The following DCAF10 variants were observed in gnomAD, a reference collection of about 807,000 sequenced individuals.
DCAF10 encodes the protein DDB1 and CUL4 associated factor 10.
A neutral mutation model predicts 51.9 loss-of-function variants in DCAF10; 19 were observed. That is an observed-to-expected ratio of 0.37 (90% CI 0.26 to 0.54). The LOEUF (loss-of-function observed/expected upper bound fraction) is 0.54. Among genes scored for constraint, DCAF10 ranks in the 20% least tolerant of loss-of-function variants. The pLI is 0.87. For missense variants in DCAF10, 510 were observed against 730.6 expected, an observed-to-expected ratio of 0.70 and a Z score of 3.48; for synonymous variants, 291 against 297.1, an observed-to-expected ratio of 0.98 and a Z score of 0.21.
rs549719352 is a variant in DCAF10, at chr9:37,867,347, T to C, written c.*5839T>C. 1 of 152,278 alleles carries C rather than the reference T, an allele frequency of 6.6e-6. No homozygotes were observed. Among genetic ancestry groups the C allele is most frequent in the Non-Finnish European group, 1.5e-5 (1 of 68,022 alleles). 9.4% of individuals were successfully genotyped at this position (152,278 alleles called of 1,614,324 possible). Reference sequence around the variant, plus strand: ...AGGTAGATTTTCAGCTTTCTTAAGTTTCTCCCTCATTTAGATTTCATGGTT... The same window carrying C: ...AGGTAGATTTTCAGCTTTCTTAAGTCTCTCCCTCATTTAGATTTCATGGTT... On this transcript the variant is annotated 3_prime_UTR_variant, in exon 7 of 7. Coordinates refer to ENST00000377724, the MANE Select transcript of DCAF10 (RefSeq NM_024345.5).
At chr9:37,836,258 C>G in intron 2 of DCAF10, 1 of 1,567,220 alleles carries the variant, frequency 6.4e-7, no homozygotes, top group East Asian at 2.2e-5. Flanking sequence ...CAGCAGATGT[C>G]TACGTGGAAT....
At chr9:37,836,384 A>G (rs1830165610) in intron 2 of DCAF10, 2 of 1,610,026 alleles carry the variant, frequency 1.2e-6, no homozygotes, top group Admixed American at 3.3e-5. Context: ...AAGAAAAAGA[A>G]GAAAGCAAGT....
chr9:37,812,839 T>C lies in DCAF10; in HGVS notation c.540-6449T>C, dbSNP rs555375713. Among the ~76,000 whole-genome samples the C allele has an allele frequency of 5.9e-5, 9 of 152,188 alleles. No homozygotes were observed. The East Asian group carries it at 1.7e-3, about 29-fold the overall frequency. ...TGTAGAGACAAGGGTCTCAGTTTGTTGTCCAGGCTGGGAATGGTATAAAAC... is the reference window on the plus strand; with the variant it reads ...TGTAGAGACAAGGGTCTCAGTTTGTCGTCCAGGCTGGGAATGGTATAAAAC... On this transcript the variant is annotated intron_variant, in intron 1 of 6. Coordinates refer to ENST00000377724, the MANE Select transcript of DCAF10 (RefSeq NM_024345.5).
intron 3 of DCAF10, among the ~76,000 whole-genome samples, chr9:37,845,585 C>T (rs1248008670): frequency 6.6e-6 from 1 of 152,194 alleles, no homozygotes; most frequent in East Asian, 1.9e-4. Flanking sequence ...AGCTGAAGTA[C>T]TGTTAAAAGA....
intron 2 of DCAF10, among the ~76,000 whole-genome samples, chr9:37,835,092 A>G (rs371148927): frequency 1.3e-5 from 2 of 152,178 alleles, no homozygotes; most frequent in East Asian, 1.9e-4. Flanking sequence ...AGTCTCAGTC[A>G]CATAATTTCT....
At chr9:37,823,875 T>C (rs1299561956) in intron 2 of DCAF10, among the ~76,000 whole-genome samples, 3 of 148,672 alleles carry the variant, frequency 2.0e-5, no homozygotes, top group African/African-American at 7.4e-5. Context: ...TTAGAGCACA[T>C]CTTTTTTTTT....
At chr9:37,838,144 A>AT (rs549076427) in intron 2 of DCAF10, among the ~76,000 whole-genome samples, 26 of 152,252 alleles carry the variant, frequency 1.7e-4, no homozygotes, top group South Asian at 1.7e-3. Flanking sequence ...ATCTTTAAAG[A>AT]TTTTTTTTAC....
chr9:37,848,118 G>A (rs1167548403), intron 3 of DCAF10, among the ~76,000 whole-genome samples: 1 of 152,134 alleles, frequency 6.6e-6, no homozygotes, highest in African/African-American at 2.4e-5. Flanking sequence ...CCACATTGCT[G>A]GTGGGAATGT....
chr9:37,825,089 A>G (rs550106710), intron 2 of DCAF10, among the ~76,000 whole-genome samples: 1 of 152,278 alleles, frequency 6.6e-6, no homozygotes, highest in East Asian at 1.9e-4. Context: ...AGTCAAAAAA[A>G]TACAGATGCT....
At chr9:37,844,181 G>A (rs568830739) in intron 3 of DCAF10, among the ~76,000 whole-genome samples, 81 of 152,342 alleles carry the variant, frequency 5.3e-4, no homozygotes, top group Non-Finnish European at 9.8e-4. Flanking sequence ...CTCCATCTCA[G>A]TGGAAAATAT....
At chr9:37,807,658 CTT>C (rs5897701) in intron 1 of DCAF10, among the ~76,000 whole-genome samples, 165 of 72,542 alleles carry the variant, frequency 2.3e-3, no homozygotes, top group African/African-American at 4.2e-3. Flanking sequence ...CTTTTCTTTT[CTT>C]TTTTTTTTTT....
chr9:37,823,596 T>TTGA (rs369831081), intron 2 of DCAF10, among the ~76,000 whole-genome samples: 12 of 151,222 alleles, frequency 7.9e-5, no homozygotes, highest in African/African-American at 2.9e-4. Context: ...GGAGTTTTTT[T>TTGA]GGCGGGGGGT....
chr9:37,863,807 G>T lies in DCAF10; in HGVS notation c.*2299G>T, dbSNP rs1189795441. On this transcript the variant is annotated 3_prime_UTR_variant, in exon 7 of 7. Transcript: ENST00000377724. ...AAAATGACATTTCTTTGTAGGACCT[G>T]CCAACTAACTATTCACACACATTTA... 6.6e-6 allele frequency: 1 copy of T among 152,104 alleles called. No individual in the cohort carries two copies. Among genetic ancestry groups the T allele is most frequent in the African/African-American group, 2.4e-5 (1 of 41,408 alleles). 9.4% of individuals were successfully genotyped at this position (152,104 alleles called of 1,614,324 possible). A position where few individuals can be genotyped will look rare whatever the true frequency, so the allele number is the denominator to read the frequency against.
In DCAF10 at chr9:37,862,271, C is replaced by A. The variant is rs1438404989; in HGVS notation, c.*763C>A. The A allele has an allele frequency of 6.6e-6, 1 of 152,574 alleles. No individual in the cohort carries two copies. The highest frequency in any genetic ancestry group is 1.9e-4 in the East Asian group (1 of 5,198). 9.5% of individuals were successfully genotyped at this position (152,574 alleles called of 1,614,324 possible). Reference sequence around the variant, plus strand: ...TTACTTGATATTTTGTTCCTATCAACAGCATTAGAAAGGAAAGGAGACAGA... The same window carrying A: ...TTACTTGATATTTTGTTCCTATCAAAAGCATTAGAAAGGAAAGGAGACAGA... On this transcript the variant is annotated 3_prime_UTR_variant, in exon 7 of 7. Transcript: ENST00000377724.
rs112696997 is a variant in DCAF10 at position 37,863,199 on chromosome 9, A to G, written c.*1691A>G. The G allele has an allele frequency of 0.19, 28,929 of 151,224 alleles. 3,167 individuals carry two copies. Among genetic ancestry groups the G allele is most frequent in the African/African-American group, 0.29 (12,049 of 41,082 alleles). The allele number at this position is 151,224 out of a possible 1,614,324, so 9.4% of individuals were successfully genotyped here. Reference sequence around the variant, plus strand: ...AAATTAGCCGGGCGTGGTGGTGCTCACCTGTAATCCCAGCTACCCAGGAGG... The same window carrying G: ...AAATTAGCCGGGCGTGGTGGTGCTCGCCTGTAATCCCAGCTACCCAGGAGG... On this transcript the variant is annotated 3_prime_UTR_variant, in exon 7 of 7. Coordinates refer to ENST00000377724, the MANE Select transcript of DCAF10 (RefSeq NM_024345.5).
chr9:37,835,050 T>A (rs892735520), intron 2 of DCAF10, among the ~76,000 whole-genome samples: 10 of 152,184 alleles, frequency 6.6e-5, no homozygotes, highest in African/African-American at 2.4e-4. Flanking sequence ...CCTCCCATAG[T>A]GCTGGGATTA....
At position 37,857,367 on chromosome 9, in the gene DCAF10, G is replaced by A. The variant is rs772033598; in HGVS notation, c.1165+16G>A. The A allele has an allele frequency of 2.6e-6, 4 of 1,561,430 alleles. No individual in the cohort carries two copies. The highest frequency in any genetic ancestry group is 3.5e-6 in the Non-Finnish European group (4 of 1,148,416). ...CAAAGAGAAGGTAGGTTAAAAGTTG[G>A]ATTTTATAATCTTGTAACAACAGAT... On this transcript the variant is annotated intron_variant, in intron 5 of 6. Coordinates refer to ENST00000377724, the MANE Select transcript of DCAF10 (RefSeq NM_024345.5).
At chr9:37,827,531 AAT>A (rs953755198) in intron 2 of DCAF10, among the ~76,000 whole-genome samples, 1 of 151,714 alleles carries the variant, frequency 6.6e-6, no homozygotes, top group Non-Finnish European at 1.5e-5. Context: ...GATAAAATGT[AAT>A]ATATATATAT....
intron 1 of DCAF10, among the ~76,000 whole-genome samples, chr9:37,809,887 A>ACGC (rs1029463665): frequency 1.3e-5 from 2 of 151,550 alleles, no homozygotes; most frequent in African/African-American, 2.4e-5. Context: ...GCGGTGGCTC[A>ACGC]CGCCTGTAAT....
Sources: allele counts gnomAD v4.1 joint callset (sites outside exome capture counted in the v4.1 genomes callset), GRCh38; gene constraint gnomAD v4.1.1; transcripts MANE v1.5; gene names NCBI Gene and HGNC (gene_info 2026-07-23, HGNC 2026-07-21).